The following ASTN2 variants were observed in gnomAD, a reference collection of about 807,000 sequenced individuals.
ASTN2 encodes astrotactin 2, also known as astrotactin-2.
A neutral mutation model predicts 139.8 loss-of-function variants in ASTN2; 54 were observed. The ratio of observed to expected loss-of-function variants is 0.39; its 90% CI spans 0.31 to 0.48. The LOEUF is 0.48. Among genes scored for constraint, ASTN2 ranks in the 20% least tolerant of loss-of-function variants. The probability of loss-of-function intolerance (pLI) is 0.95; values close to 1 mark genes in which losing one functional copy is unlikely to be tolerated. For missense variants in ASTN2, 1,565 were observed against 1,725.1 expected (o/e 0.91, Z 1.64); for synonymous variants, 756 against 719.5 (o/e 1.05, Z -0.81).
At chr9:116,689,761 T>A (rs1230235448) in intron 16 of ASTN2, among the ~76,000 whole-genome samples, 2 of 152,162 alleles carry the variant, frequency 1.3e-5, no homozygotes, top group Admixed American at 1.3e-4. Context: ...CCCTGGACTT[T>A]GTTCTTGGTT....
intron 1 of ASTN2, among the ~76,000 whole-genome samples, chr9:117,292,451 G>A (rs894524709): frequency 6.6e-5 from 10 of 152,152 alleles, no homozygotes; most frequent in African/African-American, 2.4e-4. Context: ...GCCTGCAAAT[G>A]TCCTAGAAAG....
intron 11 of ASTN2, among the ~76,000 whole-genome samples, chr9:116,854,972 C>CCA (rs143604178): frequency 0.03 from 4,543 of 151,908 alleles, 194 homozygotes; most frequent in African/African-American, 0.095. Flanking sequence ...TTATTCCCCC[C>CCA]CCACCATTAT....
rs1057202035 is a variant in ASTN2 at position 116,697,841 on chromosome 9, T to C, written c.2806+27930A>G. 2.0e-5 allele frequency: 32 copies of C among 1,614,054 alleles called. No individual in the cohort carries two copies. Among genetic ancestry groups the C allele is most frequent in the Non-Finnish European group, 2.7e-5 (32 of 1,180,040 alleles). On this transcript the variant is annotated intron_variant, in intron 16 of 22. Transcript: ENST00000313400. Reference sequence around the variant, plus strand: ...AGTCCTTCACAGAAGAGCAGCTGCGTCCCAAGCTTCTGCACTGTGGCCATA... The same window carrying C: ...AGTCCTTCACAGAAGAGCAGCTGCGCCCCAAGCTTCTGCACTGTGGCCATA...
chr9:117,075,050 G>T (rs1828242404), intron 5 of ASTN2, among the ~76,000 whole-genome samples: 1 of 152,206 alleles, frequency 6.6e-6, no homozygotes, highest in African/African-American at 2.4e-5. Flanking sequence ...CCAAGAGGGA[G>T]ACACCAAAGG....
In ASTN2 at chr9:117,260,549, G is replaced by C. The variant is rs199613109; in HGVS notation, c.630+30777C>G. Among the ~76,000 whole-genome samples the C allele has an allele frequency of 8.5e-5, 13 of 152,262 alleles. No individual in the cohort carries two copies. In the East Asian group the frequency reaches 2.5e-3, roughly 29 times the overall value. On this transcript the variant is annotated intron_variant, in intron 2 of 22. Transcript: ENST00000313400. Reference sequence around the variant, plus strand: ...ACAATCAAGAATCGACAACCTACCAGCTGTCAACAACAGCAATGGTGTTGA... The same window carrying C: ...ACAATCAAGAATCGACAACCTACCACCTGTCAACAACAGCAATGGTGTTGA...
At chr9:116,785,513 T>G (rs1230632351) in intron 13 of ASTN2, among the ~76,000 whole-genome samples, 1 of 152,210 alleles carries the variant, frequency 6.6e-6, no homozygotes, top group East Asian at 1.9e-4. Flanking sequence ...TATAAATGAT[T>G]GCAATGTTTC....
chr9:116,953,299 T>A (rs960063466), intron 10 of ASTN2, among the ~76,000 whole-genome samples: 2 of 152,258 alleles, frequency 1.3e-5, no homozygotes, highest in African/African-American at 4.8e-5. Context: ...GTGTTATAGT[T>A]ACAATTGAAT....
chr9:116,811,292 CTG>C (rs1831160759), intron 12 of ASTN2, among the ~76,000 whole-genome samples: 1 of 152,172 alleles, frequency 6.6e-6, no homozygotes, highest in African/African-American at 2.4e-5. Context: ...AAGCTTCTGA[CTG>C]TGGCTTTGCC....
intron 19 of ASTN2, among the ~76,000 whole-genome samples, chr9:116,550,277 C>T (rs1184710710): frequency 2.0e-5 from 3 of 152,200 alleles, no homozygotes; most frequent in Non-Finnish European, 4.4e-5. Flanking sequence ...CTAGCTTCCA[C>T]CACCTGCTAT....
At chr9:117,386,380 A>T (rs2130936922) in intron 1 of ASTN2, among the ~76,000 whole-genome samples, 1 of 152,284 alleles carries the variant, frequency 6.6e-6, no homozygotes, top group East Asian at 1.9e-4. Flanking sequence ...CATGCGAGTC[A>T]GGAAGACATG....
chr9:116,502,652 C>T (rs1849909576), intron 19 of ASTN2, among the ~76,000 whole-genome samples: 1 of 139,358 alleles, frequency 7.2e-6, no homozygotes, highest in Non-Finnish European at 1.5e-5. Context: ...AAGACCAAGG[C>T]AAACAAGAAA....
At chr9:117,390,662 T>A (rs1159694147) in intron 1 of ASTN2, among the ~76,000 whole-genome samples, 1 of 152,218 alleles carries the variant, frequency 6.6e-6, no homozygotes, top group African/African-American at 2.4e-5. Context: ...CATGTCTTTT[T>A]GCTGCTTGAT....
chr9:117,113,224 A>G lies in ASTN2; in HGVS notation c.1169-17073T>C, dbSNP rs1829292845. ...AACAACCAAATAACCCAGATATCCC[A>G]TTCCTAGTTACACAAGAGAAACAAA... is the stretch of plus-strand genomic sequence containing the variant. On this transcript the variant is annotated intron_variant, in intron 4 of 22. Transcript: ENST00000313400. 2.0e-5 allele frequency among the ~76,000 whole-genome samples: 3 copies of G among 152,214 alleles called. No individual in the cohort carries two copies. The South Asian group carries it at 6.2e-4, about 32-fold the overall frequency.
chr9:116,666,109 A>C (rs1260568996), intron 16 of ASTN2, among the ~76,000 whole-genome samples: 1 of 152,206 alleles, frequency 6.6e-6, no homozygotes, highest in Non-Finnish European at 1.5e-5. Flanking sequence ...ATCATCAATG[A>C]ATCCTAAAAC....
intron 4 of ASTN2, among the ~76,000 whole-genome samples, chr9:117,118,261 T>C (rs1343233571): frequency 6.6e-6 from 1 of 152,196 alleles, no homozygotes; most frequent in African/African-American, 2.4e-5. Flanking sequence ...GAGTTCTTTT[T>C]TGCCCTTCCT....
intron 7 of ASTN2, among the ~76,000 whole-genome samples, chr9:117,002,143 G>A (rs574753669): frequency 3.3e-5 from 5 of 152,298 alleles, no homozygotes; most frequent in African/African-American, 1.2e-4. Context: ...GGGCATTGCG[G>A]TGGAAAGAAT....
chr9:117,112,796 G>T (rs1829282210), intron 4 of ASTN2, among the ~76,000 whole-genome samples: 1 of 152,034 alleles, frequency 6.6e-6, no homozygotes, highest in Admixed American at 6.5e-5. Context: ...TTCTTCAAAA[G>T]ACACCACTAA....
At chr9:116,696,473 C>T (rs888096994) in intron 16 of ASTN2, among the ~76,000 whole-genome samples, 3 of 152,078 alleles carry the variant, frequency 2.0e-5, no homozygotes, top group Non-Finnish European at 4.4e-5. Flanking sequence ...AACTTCTTGT[C>T]CTTTCCTTTG....
chr9:116,436,373 C>T (rs1007707881), intron 22 of ASTN2, among the ~76,000 whole-genome samples: 1 of 152,128 alleles, frequency 6.6e-6, no homozygotes, highest in Non-Finnish European at 1.5e-5. Context: ...GACTCCAGGC[C>T]ACCCACTCCA....
Sources: allele counts gnomAD v4.1 joint callset (sites outside exome capture counted in the v4.1 genomes callset), GRCh38; gene constraint gnomAD v4.1.1; transcripts MANE v1.5; gene names NCBI Gene and HGNC (gene_info 2026-07-23, HGNC 2026-07-21).